The following GRM5 variants were observed in gnomAD, a reference collection of about 807,000 sequenced individuals.
GRM5 encodes the protein metabotropic glutamate receptor 5.
A neutral mutation model predicts 83.1 loss-of-function variants in GRM5; 19 were observed. The observed-to-expected ratio is 0.23, with a 90% CI of 0.16 to 0.34. The LOEUF is 0.34. Ranked by LOEUF, GRM5 falls within the 10% of genes least tolerant of loss-of-function variation. GRM5 has a pLI of 1.00. For missense variants in GRM5, 1,160 were observed against 1,588.3 expected (o/e 0.73, Z 4.58); for synonymous variants, 675 against 633.6 (o/e 1.07, Z -0.98).
At chr11:88,803,430 T>C (rs961224610) in intron 3 of GRM5, among the ~76,000 whole-genome samples, 1 of 152,056 alleles carries the variant, frequency 6.6e-6, no homozygotes, top group Admixed American at 6.6e-5. Flanking sequence ...AAACAAGCAA[T>C]GGGGAAAGGA....
At chr11:88,561,346 T>G (rs1369715028) in intron 8 of GRM5, among the ~76,000 whole-genome samples, 1 of 152,128 alleles carries the variant, frequency 6.6e-6, no homozygotes, top group Non-Finnish European at 1.5e-5. Context: ...AAATTTCAGT[T>G]AAGGTGGAGG....
chr11:88,592,248 G>T (rs1937656325), intron 6 of GRM5, among the ~76,000 whole-genome samples: 2 of 152,122 alleles, frequency 1.3e-5, no homozygotes, highest in African/African-American at 4.8e-5. Context: ...TTGCTTTTAA[G>T]ATAATAATAT....
intron 3 of GRM5, among the ~76,000 whole-genome samples, chr11:88,715,929 A>G (rs1310910527): frequency 1.3e-5 from 2 of 152,002 alleles, no homozygotes; most frequent in African/African-American, 4.8e-5. Context: ...ATTTTTATCA[A>G]GAGCCCCAGA....
At chr11:88,568,461 C>T (rs1336969239) in intron 7 of GRM5, among the ~76,000 whole-genome samples, 1 of 151,964 alleles carries the variant, frequency 6.6e-6, no homozygotes, top group East Asian at 1.9e-4. Flanking sequence ...GGAAGAGAGG[C>T]ATGAAGGGAA....
At chr11:88,677,591 CACCCTAT>C (rs1365658874) in intron 3 of GRM5, among the ~76,000 whole-genome samples, 7 of 152,136 alleles carry the variant, frequency 4.6e-5, no homozygotes, top group Non-Finnish European at 8.8e-5. Flanking sequence ...GAATCCTGAT[CACCCTAT>C]ACCTTAAGCC....
At position 88,557,133 on chromosome 11, in the gene GRM5, G is replaced by T. The variant is rs372306020; in HGVS notation, c.2630+9920C>A. On this transcript the variant is annotated intron_variant, in intron 8 of 9. Transcript: ENST00000305447. ...TAAATTTTGGTTCTACCACCTATTA[G>T]TTCACTAACTAAAGGCTATTAGGCC... Among the ~76,000 whole-genome samples, 9 of 152,072 alleles carry T rather than the reference G, an allele frequency of 5.9e-5. 1 individual carries two copies. Among genetic ancestry groups the T allele is most frequent in the East Asian group, 1.9e-4 (1 of 5,180 alleles).
chr11:88,983,048 G>A (rs1043038878), intron 2 of GRM5, among the ~76,000 whole-genome samples: 6 of 150,192 alleles, frequency 4.0e-5, no homozygotes, highest in Middle Eastern at 6.8e-3. Context: ...CCTGGGCAAC[G>A]AGAGCGAAAC....
At chr11:88,714,898 C>T (rs1300600843) in intron 3 of GRM5, among the ~76,000 whole-genome samples, 2 of 151,686 alleles carry the variant, frequency 1.3e-5, no homozygotes, top group Non-Finnish European at 2.9e-5. Context: ...GGCCAAAGAC[C>T]TGTTTTGGAC....
In GRM5 at chr11:88,653,158, A is replaced by G. The variant is rs1257145830; in HGVS notation, c.1147+10T>C. ...TTATGCATTTTAAATGAAATAATAA[A>G]TCTGCTTACTATTGCAAGTCTTGTT... On this transcript the variant is annotated intron_variant, in intron 4 of 9. Coordinates refer to ENST00000305447, the MANE Select transcript of GRM5 (RefSeq NM_001143831.3). The G allele has an allele frequency of 6.8e-7, 1 of 1,479,122 alleles. No homozygotes were observed. The highest frequency in any genetic ancestry group is 1.7e-5 in the Admixed American group (1 of 59,422). The allele number at this position is 1,479,122 out of a possible 1,614,324, so 91.6% of individuals were successfully genotyped here.
At chr11:88,803,951 G>A (rs12221717) in intron 3 of GRM5, among the ~76,000 whole-genome samples, 1 of 151,212 alleles carries the variant, frequency 6.6e-6, no homozygotes, top group Admixed American at 6.6e-5. Context: ...ACCATCACTG[G>A]CCATCAGAGA....
intron 2 of GRM5, among the ~76,000 whole-genome samples, chr11:88,941,142 G>T (rs1487923805): frequency 6.6e-6 from 1 of 151,604 alleles, no homozygotes; most frequent in Non-Finnish European, 1.5e-5. Context: ...TCTGAAAATT[G>T]CTTATTTCAT....
At chr11:88,684,909 C>G (rs1031536065) in intron 3 of GRM5, among the ~76,000 whole-genome samples, 1 of 152,176 alleles carries the variant, frequency 6.6e-6, no homozygotes, top group Non-Finnish European at 1.5e-5. Context: ...AATTAAAACT[C>G]TTTTTCTTCC....
intron 2 of GRM5, among the ~76,000 whole-genome samples, chr11:89,001,943 C>G (rs995680312): frequency 6.6e-6 from 1 of 152,094 alleles, no homozygotes; most frequent in Admixed American, 6.6e-5. Context: ...TCTTAATGCT[C>G]TAACTGAAGC....
chr11:88,944,993 T>A (rs1938231759), intron 2 of GRM5, among the ~76,000 whole-genome samples: 1 of 152,018 alleles, frequency 6.6e-6, no homozygotes, highest in South Asian at 2.1e-4. Context: ...CTCCTGGGAC[T>A]GATAAATAAC....
chr11:88,618,229 ATTAGAT>A (rs1938536113), intron 4 of GRM5, among the ~76,000 whole-genome samples: 1 of 152,222 alleles, frequency 6.6e-6, no homozygotes, highest in Admixed American at 6.5e-5. Flanking sequence ...AGTATTCTCC[ATTAGAT>A]TTAAACAGCA....
At chr11:89,057,856 C>A (rs1354125639) in intron 1 of GRM5, among the ~76,000 whole-genome samples, 4 of 152,108 alleles carry the variant, frequency 2.6e-5, no homozygotes, top group Admixed American at 2.6e-4. Context: ...AAAGTGCCTT[C>A]TTTCTGTTAA....
rs748250056 is a variant in GRM5, at chr11:88,597,217, C to T, written c.1530G>A (p.Val510=). The T allele has an allele frequency of 4.4e-6, 7 of 1,608,268 alleles. No individual in the cohort carries two copies. In the South Asian group the frequency reaches 7.8e-5, roughly 18 times the overall value. ...WSKKSNIIRS[V]CSEPCEKGQI... Reference sequence around the variant, plus strand: ...GGCCTTTCTCACATGGTTCACTGCACACAGATCTGATGATGTTGCTTTTCT... The same window carrying T: ...GGCCTTTCTCACATGGTTCACTGCATACAGATCTGATGATGTTGCTTTTCT... The change falls in exon 6 of 10, where the codon GTG becomes GTA. Residue 510 remains valine (V), a synonymous_variant. Transcript: ENST00000305447.
intron 2 of GRM5, among the ~76,000 whole-genome samples, chr11:88,990,630 C>T (rs1320817546): frequency 1.5e-4 from 23 of 149,114 alleles, no homozygotes; most frequent in South Asian, 1.1e-3. Flanking sequence ...ACTGGCAAAA[C>T]GAATCCAGCA....
At chr11:88,857,719 A>G (rs1944499311) in intron 2 of GRM5, among the ~76,000 whole-genome samples, 1 of 152,102 alleles carries the variant, frequency 6.6e-6, no homozygotes, top group Non-Finnish European at 1.5e-5. Flanking sequence ...GTGTCCTTTA[A>G]TGCAGATATT....
Sources: gnomAD v4.1 joint callset for allele counts (sites outside exome capture counted in the v4.1 genomes callset) on GRCh38, gnomAD v4.1.1 for gene constraint, MANE v1.5 for transcripts, NCBI Gene and HGNC (gene_info 2026-07-23, HGNC 2026-07-21) for gene names.